DRC8: variants seen among roughly 807,000 people sequenced by gnomAD.
DRC8 encodes the protein dynein regulatory complex protein 8.
At chr1:244,970,257 C>T in the DRC8 span, 1 of 737,436 alleles carries the variant, frequency 1.4e-6, no homozygotes, top group Non-Finnish European at 2.4e-6. Context: ...GGCGCGCGCT[C>T]GGAGCCTCCT....
chr1:245,046,286 A>G, the DRC8 span, among the ~76,000 whole-genome samples: 80 of 151,516 alleles, frequency 5.3e-4, no homozygotes, highest in Non-Finnish European at 4.7e-4. Context: ...CACTTATTTC[A>G]GTGTTTTTAC....
At chr1:245,115,615 C>T in the DRC8 span, among the ~76,000 whole-genome samples, 1,813 of 152,286 alleles carry the variant, frequency 0.012, 39 homozygotes, top group African/African-American at 0.041. Flanking sequence ...TTGAGCATGG[C>T]ACACCAAACT....
the DRC8 span, among the ~76,000 whole-genome samples, chr1:244,976,140 T>A: frequency 6.6e-6 from 1 of 151,592 alleles, no homozygotes; most frequent in Non-Finnish European, 1.5e-5. Flanking sequence ...GTGGTGGTGG[T>A]TGCCTGTTAT....
the DRC8 span, among the ~76,000 whole-genome samples, chr1:245,025,060 T>C: frequency 5.3e-5 from 8 of 152,266 alleles, 1 homozygote; most frequent in South Asian, 1.7e-3. Flanking sequence ...TTTTTTTTAA[T>C]TTAGTCAAAT....
chr1:245,088,327 C>CACACACACAT, the DRC8 span, among the ~76,000 whole-genome samples: 1 of 148,710 alleles, frequency 6.7e-6, no homozygotes, highest in Non-Finnish European at 1.5e-5. The surrounding 1 kb of genome is among the most constrained non-coding windows in gnomAD (Gnocchi z 4.6). Flanking sequence ...CACACACACA[C>CACACACACAT]ACACACACAC....
chr1:245,064,433 T>C, the DRC8 span, among the ~76,000 whole-genome samples: 2 of 152,236 alleles, frequency 1.3e-5, no homozygotes, highest in Non-Finnish European at 2.9e-5. Context: ...CCTTTACATA[T>C]GATGGTTGAC....
At chr1:245,083,742 G>C in the DRC8 span, 1 of 1,555,862 alleles carries the variant, frequency 6.4e-7, no homozygotes. Flanking sequence ...TTAATAATTT[G>C]TTAACAGTTA....
the DRC8 span, among the ~76,000 whole-genome samples, chr1:244,986,786 G>T: frequency 6.6e-6 from 1 of 151,906 alleles, no homozygotes; most frequent in East Asian, 1.9e-4. Flanking sequence ...CACTGTGGAA[G>T]GGTGGAGCAC....
chr1:245,007,885 C>T, the DRC8 span, among the ~76,000 whole-genome samples: 1 of 152,140 alleles, frequency 6.6e-6, no homozygotes, highest in African/African-American at 2.4e-5. Flanking sequence ...TAAACATTGG[C>T]CAGGCTCAGT....
At chr1:245,056,781 CA>C in the DRC8 span, among the ~76,000 whole-genome samples, 1 of 151,572 alleles carries the variant, frequency 6.6e-6, no homozygotes, top group East Asian at 1.9e-4. Context: ...ACTAAAAATA[CA>C]AAAAATTAGC....
chr1:245,000,059 T>A, the DRC8 span, among the ~76,000 whole-genome samples: 2 of 152,220 alleles, frequency 1.3e-5, no homozygotes, highest in Non-Finnish European at 2.9e-5. Flanking sequence ...CCTCAGGTGA[T>A]CCACCTGCCT....
the DRC8 span, among the ~76,000 whole-genome samples, chr1:245,029,810 G>A: frequency 6.6e-6 from 1 of 151,846 alleles, no homozygotes; most frequent in Non-Finnish European, 1.5e-5. Context: ...TGGCCAGGCT[G>A]GTCTCGAACT....
the DRC8 span, among the ~76,000 whole-genome samples, chr1:245,066,317 A>G: frequency 6.6e-6 from 1 of 152,348 alleles, no homozygotes. Context: ...ACTCCTGAGA[A>G]AAGTATTAAT....
chr1:245,017,414 G>A, the DRC8 span: 1 of 1,301,712 alleles, frequency 7.7e-7, no homozygotes, highest in Non-Finnish European at 1.0e-6. Flanking sequence ...TTTTTACACT[G>A]TACCTTGGAT....
At chr1:245,070,232 T>G in the DRC8 span, among the ~76,000 whole-genome samples, 1 of 152,184 alleles carries the variant, frequency 6.6e-6, no homozygotes, top group Non-Finnish European at 1.5e-5. Context: ...CATGCCAATA[T>G]TCTACTATAA....
chr1:245,118,414 C>T, the DRC8 span, among the ~76,000 whole-genome samples: 1 of 152,174 alleles, frequency 6.6e-6, no homozygotes. Flanking sequence ...CTTCGGAGAA[C>T]TGGGAGAACA....
At chr1:244,993,017 C>CT in the DRC8 span, among the ~76,000 whole-genome samples, 1 of 152,272 alleles carries the variant, frequency 6.6e-6, no homozygotes, top group South Asian at 2.1e-4. Flanking sequence ...ATGAGACTCT[C>CT]TATAGGCCAC....
At chr1:245,014,464 C>G in the DRC8 span, among the ~76,000 whole-genome samples, 36 of 151,890 alleles carry the variant, frequency 2.4e-4, no homozygotes, top group African/African-American at 8.7e-4. Flanking sequence ...GTTAAATTAG[C>G]AAAAGTTTAT....
At chr1:245,071,690 A>T in the DRC8 span, among the ~76,000 whole-genome samples, 3 of 152,236 alleles carry the variant, frequency 2.0e-5, no homozygotes, top group South Asian at 2.1e-4. Context: ...AGCTAAAAAA[A>T]ATATACAAGC....
Sources: allele counts gnomAD v4.1 joint callset (sites outside exome capture counted in the v4.1 genomes callset), GRCh38; gene constraint gnomAD v4.1.1; non-coding constraint Gnocchi (gnomAD v3.1); transcripts MANE v1.5; gene names NCBI Gene and HGNC (gene_info 2026-07-23, HGNC 2026-07-21).